Variants in DDX39B observed in about 807,000 individuals in gnomAD.
The protein encoded by DDX39B is DExD-box helicase 39B.
DDX39B carries 6 observed loss-of-function variants against 46.4 expected under a neutral mutation model. The ratio of observed to expected loss-of-function variants is 0.13; its 90% CI spans 0.07 to 0.26. The LOEUF is 0.26. DDX39B is among the 10% of genes least tolerant of loss of function. The pLI is 1.00. For missense variants in DDX39B, 185 were observed against 553.4 expected (o/e 0.33, Z 6.68); for synonymous variants, 174 against 199.4 (o/e 0.87, Z 1.07).
chr6:31,536,088 A>G (rs919226882), intron 5 of DDX39B, among the ~76,000 whole-genome samples: 5 of 152,174 alleles, frequency 3.3e-5, no homozygotes, highest in Non-Finnish European at 5.9e-5. Context: ...CACTCTCTAC[A>G]TTAATCCCAG....
In DDX39B at chr6:31,541,487, G is replaced by C. The variant is rs1015170613; in HGVS notation, c.-133+463C>G. ...CCAATCGTATCGTAAACACTTGGAA[G>C]GCACTCCAAATTAAGTTGGGCAAGT... On this transcript the variant is annotated intron_variant, in intron 1 of 10. Transcript: ENST00000396172. 1.6e-5 allele frequency: 6 copies of C among 384,166 alleles called. No individual in the cohort carries two copies. In the Admixed American group the frequency reaches 1.8e-4, roughly 12 times the overall value. The allele number at this position is 384,166 out of a possible 1,614,324, so 23.8% of individuals were successfully genotyped here. A position where few individuals can be genotyped will look rare whatever the true frequency, so the allele number is the denominator to read the frequency against.
At position 31,532,210 on chromosome 6, in the gene DDX39B, C is replaced by T. The variant is rs146156142; in HGVS notation, c.867+570G>A. ...AGAACCCTAACATGCCCCCAAACAT[C>T]GTTTCAAGACTTTTAACAACTTCCT... On this transcript the variant is annotated intron_variant, in intron 7 of 10. Transcript: ENST00000396172. Among the ~76,000 whole-genome samples, 189 of 152,278 alleles carry T rather than the reference C, an allele frequency of 1.2e-3. 1 individual carries two copies. The highest frequency in any genetic ancestry group is 9.1e-3 in the East Asian group (47 of 5,188).
rs557018285 is a variant in DDX39B at position 31,540,797 on chromosome 6, A to C, written c.-132-133T>G. 2.3e-4 allele frequency: 128 copies of C among 551,102 alleles called. 4 individuals are homozygous for C. Among genetic ancestry groups the C allele is most frequent in the South Asian group, 1.5e-3 (65 of 42,824 alleles). 34.1% of individuals were successfully genotyped at this position (551,102 alleles called of 1,614,324 possible). ...AAAGAAAAACAGATACAAAACATAAAAACGAAAAGCAAATATAACAGAACA... is the reference window on the plus strand; with the variant it reads ...AAAGAAAAACAGATACAAAACATAACAACGAAAAGCAAATATAACAGAACA... On this transcript the variant is annotated intron_variant, in intron 1 of 10. Transcript: ENST00000396172.
chr6:31,538,682 TAAAG>T (rs1195049768), intron 4 of DDX39B, 77 bp downstream of exon 4: 5 of 1,303,874 alleles, frequency 3.8e-6, no homozygotes, highest in Non-Finnish European at 2.1e-6. Flanking sequence ...TCTCCAAAAT[TAAAG>T]AGACTATTGG....
intron 3 of DDX39B, 107 bp downstream of exon 3, chr6:31,539,038 CAG>C (rs1485373771): frequency 6.3e-7 from 1 of 1,590,296 alleles, no homozygotes; most frequent in Admixed American, 1.7e-5. Flanking sequence ...TCAAGGGTAA[CAG>C]AGGTCATGTG....
In DDX39B at chr6:31,540,592, G is replaced by A; in HGVS notation, c.-60C>T. On this transcript the variant is annotated 5_prime_UTR_variant, in exon 2 of 11. Transcript: ENST00000396172. Reference sequence around the variant, plus strand: ...CTGGATGGGTTCTCGCAAAATAGGTGAAAACAAGGGGTGAAGAGTAGGGGA... The same window carrying A: ...CTGGATGGGTTCTCGCAAAATAGGTAAAAACAAGGGGTGAAGAGTAGGGGA... 1 of 1,519,472 alleles carries A rather than the reference G, an allele frequency of 6.6e-7. No individual in the cohort carries two copies. The highest frequency in any genetic ancestry group is 9.1e-7 in the Non-Finnish European group (1 of 1,099,836). The allele number at this position is 1,519,472 out of a possible 1,614,324, so 94.1% of individuals were successfully genotyped here.
chr6:31,540,819 A>C (rs1479808676), intron 1 of DDX39B, 155 bp from the exon 2 acceptor site: 4 of 517,802 alleles, frequency 7.7e-6, no homozygotes, highest in Non-Finnish European at 1.4e-5. Context: ...AATATAACAG[A>C]ACAGAAAAAG....
chr6:31,532,501 A>G (rs1047600976), intron 7 of DDX39B: 3 of 314,214 alleles, frequency 9.5e-6, no homozygotes, highest in African/African-American at 6.5e-5. Context: ...CAGCCTCCCC[A>G]AGTGCTGGGA....
In DDX39B at chr6:31,530,959, C is replaced by G. The variant is rs563751712; in HGVS notation, c.1123-33G>C. 28 of 1,613,674 alleles carry G rather than the reference C, an allele frequency of 1.7e-5. No homozygotes were observed. In the Admixed American group the frequency reaches 2.0e-4, roughly 12 times the overall value. On this transcript the variant is annotated intron_variant, in intron 9 of 10. Transcript: ENST00000396172. This position sits in a 1 kb window ranked among gnomAD's most constrained non-coding sequence, Gnocchi z 4.5. ...GAGACAGAGGGTAGCACTGGAAGAC[C>G]GAAGAGGAAAGAGACCCAGAGGCAG...
rs1260033648 is a variant in DDX39B at position 31,530,478 on chromosome 6, A to G, written c.1271-28T>C. On this transcript the variant is annotated intron_variant, in intron 10 of 10. Coordinates refer to ENST00000396172, the MANE Select transcript of DDX39B (RefSeq NM_004640.7). The surrounding 1 kb of genome is among the most constrained non-coding windows in gnomAD (Gnocchi z 4.5). ...GAGAAGAAAACGTAGCATGGTCAGA[A>G]TAAGGCATGAAAAGGGGAAAGTGAG... 1 of 1,612,642 alleles carries G rather than the reference A, an allele frequency of 6.2e-7. No homozygotes were observed. The highest frequency in any genetic ancestry group is 1.3e-5 in the African/African-American group (1 of 74,894).
rs1475344570 is a variant in DDX39B, at chr6:31,534,087, C to G, written c.736-1176G>C. On this transcript the variant is annotated intron_variant, in intron 6 of 10. Coordinates refer to ENST00000396172, the MANE Select transcript of DDX39B (RefSeq NM_004640.7). This position sits in a 1 kb window ranked among gnomAD's most constrained non-coding sequence, Gnocchi z 5.1. ...ACAGTGGCACAATTACAGCTTACTG[C>G]CACCTCCACGTCCCGGGCTCAAGCA... 2 of 162,268 alleles carry G rather than the reference C, an allele frequency of 1.2e-5. No individual in the cohort carries two copies. The highest frequency in any genetic ancestry group is 2.7e-5 in the Non-Finnish European group (2 of 73,920). 10.1% of individuals were successfully genotyped at this position (162,268 alleles called of 1,614,324 possible).
In DDX39B at chr6:31,535,247, C is replaced by CACAAGG. The variant is rs754217742; in HGVS notation, c.735+119_735+120insCCTTGT. The CACAAGG allele has an allele frequency of 1.5e-3, 1,348 of 916,562 alleles. 1 individual carries two copies. Among genetic ancestry groups the CACAAGG allele is most frequent in the Non-Finnish European group, 2.3e-3 (1,281 of 557,780 alleles). 56.8% of individuals were successfully genotyped at this position (916,562 alleles called of 1,614,324 possible). ...TGTCTCTTCAAGGAGTCATTACTCC[C>CACAAGG]AGTTGGGCACAAGCCGCCTTCTTGG... On this transcript the variant is annotated intron_variant, in intron 6 of 10. Coordinates refer to ENST00000396172, the MANE Select transcript of DDX39B (RefSeq NM_004640.7). This position sits in a 1 kb window ranked among gnomAD's most constrained non-coding sequence, Gnocchi z 4.6.
Position 31,534,381 on chromosome 6 carries a change from A to G in DDX39B, c.735+986T>C, listed in dbSNP as rs1453171166. Reference sequence around the variant, plus strand: ...AATACAGCTAAAGAGTGATCATCCCACGGGAAGGAACACTGCAGGGAGGGG... The same window carrying G: ...AATACAGCTAAAGAGTGATCATCCCGCGGGAAGGAACACTGCAGGGAGGGG... On this transcript the variant is annotated intron_variant, in intron 6 of 10. Transcript: ENST00000396172. This position sits in a 1 kb window ranked among gnomAD's most constrained non-coding sequence, Gnocchi z 5.1. 1 of 430,876 alleles carries G rather than the reference A, an allele frequency of 2.3e-6. No homozygotes were observed. The highest frequency in any genetic ancestry group is 4.8e-6 in the Non-Finnish European group (1 of 210,410). The allele number at this position is 430,876 out of a possible 1,614,324, so 26.7% of individuals were successfully genotyped here.
rs1178833396 is a variant in DDX39B at position 31,531,462 on chromosome 6, TGA to T, written c.868-59_868-58del. 10 of 1,493,904 alleles carry T rather than the reference TGA, an allele frequency of 6.7e-6. 1 individual carries two copies. Among genetic ancestry groups the T allele is most frequent in the South Asian group, 3.4e-5 (3 of 87,708 alleles). The allele number at this position is 1,493,904 out of a possible 1,614,324, so 92.5% of individuals were successfully genotyped here. A position where few individuals can be genotyped will look rare whatever the true frequency, so the allele number is the denominator to read the frequency against. ...TGGGGGAATAGGGGTCCATGGTGTG[TGA>T]GAGACATTACGTGGGAGAGGGGAGT... On this transcript the variant is annotated intron_variant, in intron 7 of 10. Transcript: ENST00000396172. This position sits in a 1 kb window ranked among gnomAD's most constrained non-coding sequence, Gnocchi z 5.8.
rs1767724607 is a variant in DDX39B at position 31,535,863 on chromosome 6, G to A, written c.617-378C>T. Among the ~76,000 whole-genome samples, 1 of 152,094 alleles carries A rather than the reference G, an allele frequency of 6.6e-6. No homozygotes were observed. Among genetic ancestry groups the A allele is most frequent in the Non-Finnish European group, 1.5e-5 (1 of 68,026 alleles). On this transcript the variant is annotated intron_variant, in intron 5 of 10. Coordinates refer to ENST00000396172, the MANE Select transcript of DDX39B (RefSeq NM_004640.7). This position sits in a 1 kb window ranked among gnomAD's most constrained non-coding sequence, Gnocchi z 4.6. ...TATCAGAGTCCATCTATGACTCTCT[G>A]GATTACTTTTCTATCAAGTCAGGCA...
chr6:31,540,749 T>C (rs1768319690), intron 1 of DDX39B, 85 bp from the exon 2 acceptor site: 2 of 582,088 alleles, frequency 3.4e-6, no homozygotes, highest in Non-Finnish European at 6.1e-6. Flanking sequence ...CCACTTTCCC[T>C]AAACCAGGAA....
chr6:31,541,176 G>T, intron 1 of DDX39B: 1 of 533,664 alleles, frequency 1.9e-6, no homozygotes, highest in South Asian at 1.4e-5. Flanking sequence ...AACATCATAT[G>T]GCCGCCGTCC....
intron 7 of DDX39B, chr6:31,532,481 C>A: frequency 3.6e-6 from 1 of 280,078 alleles, no homozygotes; most frequent in Non-Finnish European, 7.0e-6. Flanking sequence ...CTCAAGTGAT[C>A]CACCTCCCTC....
In DDX39B at chr6:31,540,476, C is replaced by A. The variant is rs1768283098; in HGVS notation, c.57G>T (p.Glu19Asp). 6.2e-7 allele frequency: 1 copy of A among 1,614,186 alleles called. No homozygotes were observed. The highest frequency in any genetic ancestry group is 8.5e-7 in the Non-Finnish European group (1 of 1,180,032). Reference protein sequence around the residue: ...ELLDYEDDEVETAAGGDGAEA... With the variant: ...ELLDYEDDEVDTAAGGDGAEA... ...CAGCCCCATCTCCCCCAGCTGCTGT[C>A]TCCACCTCATCATCTTCATAGTCCA... The change falls in exon 2 of 11, where the codon GAG (glutamate) becomes GAT (aspartate). Residue 19 changes from glutamate (E) to aspartate (D), a missense_variant. Around this residue, in one of 5 missense-constraint regions of DDX39B, gnomAD observed 30 missense variants for 41.6 expected, o/e 0.72. Transcript: ENST00000396172.
Sources: allele counts gnomAD v4.1 joint callset (sites outside exome capture counted in the v4.1 genomes callset), GRCh38; gene constraint gnomAD v4.1.1; regional missense constraint gnomAD v4.1.1; non-coding constraint Gnocchi (gnomAD v3.1); transcripts MANE v1.5; gene names NCBI Gene and HGNC (gene_info 2026-07-23, HGNC 2026-07-21).